The following DLC1 variants were observed in gnomAD, a reference collection of about 807,000 sequenced individuals.
DLC1 encodes the protein rho GTPase-activating protein 7.
A neutral mutation model predicts 140.3 loss-of-function variants in DLC1; 54 were observed. That is an observed-to-expected ratio of 0.38 (90% CI 0.31 to 0.48). The LOEUF is 0.48. Among genes scored for constraint, DLC1 ranks in the 20% least tolerant of loss-of-function variants. The probability of loss-of-function intolerance (pLI) is 0.96; values close to 1 mark genes in which losing one functional copy is unlikely to be tolerated. For synonymous variants in DLC1, 986 were observed against 728.1 expected, an observed-to-expected ratio of 1.35 and a Z score of -5.70; for missense variants, 2,536 against 1,907.0, an observed-to-expected ratio of 1.33 and a Z score of -6.14.
At chr8:13,466,478 C>G (rs925562953) in intron 2 of DLC1, among the ~76,000 whole-genome samples, 39 of 152,322 alleles carry the variant, frequency 2.6e-4, no homozygotes, top group Admixed American at 2.1e-3. Flanking sequence ...AAAGAGAACA[C>G]ACGTTAGACA....
intron 2 of DLC1, among the ~76,000 whole-genome samples, chr8:13,419,006 C>T (rs1349836159): frequency 2.0e-5 from 3 of 150,662 alleles, no homozygotes; most frequent in East Asian, 3.9e-4. Flanking sequence ...CATGATTTGG[C>T]TCTCTGTTTG....
intron 7 of DLC1, among the ~76,000 whole-genome samples, chr8:13,103,984 C>G (rs1585631129): frequency 6.6e-6 from 1 of 151,926 alleles, no homozygotes; most frequent in East Asian, 1.9e-4. Flanking sequence ...AATCAAAACT[C>G]AAATTTAAAA....
At chr8:13,163,702 C>G (rs1291014050) in intron 5 of DLC1, among the ~76,000 whole-genome samples, 1 of 152,054 alleles carries the variant, frequency 6.6e-6, no homozygotes, top group Non-Finnish European at 1.5e-5. Context: ...AAGATCTGGC[C>G]AGACGTGGTG....
At chr8:13,133,291 T>C (rs1822280658) in intron 5 of DLC1, 3 of 1,268,034 alleles carry the variant, frequency 2.4e-6, no homozygotes, top group Admixed American at 8.4e-5. Flanking sequence ...GAGCGAACTG[T>C]CTCCCGCGCG....
At chr8:13,222,370 T>C (rs1227160418) in intron 5 of DLC1, among the ~76,000 whole-genome samples, 1 of 152,188 alleles carries the variant, frequency 6.6e-6, no homozygotes, top group East Asian at 1.9e-4. Context: ...GCTAAAAGTG[T>C]TTGAGACATT....
chr8:13,147,640 G>A (rs1245951251), intron 5 of DLC1, among the ~76,000 whole-genome samples: 1 of 152,090 alleles, frequency 6.6e-6, no homozygotes, highest in Non-Finnish European at 1.5e-5. Flanking sequence ...TGAGAGTGTG[G>A]GATCTCAAGG....
Position 13,092,696 on chromosome 8 carries a change from T to A in DLC1, c.3656A>T (p.Gln1219Leu). 3 of 1,614,204 alleles carry A rather than the reference T, an allele frequency of 1.9e-6. No homozygotes were observed. The highest frequency in any genetic ancestry group is 2.5e-6 in the Non-Finnish European group (3 of 1,180,040). ...SDVTAAVKEN[Q>L]MTPTNLAVCL... is the part of the protein sequence containing the mutation. Reference sequence around the variant, plus strand: ...CACGGCCAGGTTGGTTGGGGTCATCTGGTTTTCTTTTACGGCTGCTGTGAC... The same window carrying A: ...CACGGCCAGGTTGGTTGGGGTCATCAGGTTTTCTTTTACGGCTGCTGTGAC... Residue 1219 changes from glutamine to leucine, a missense_variant, in exon 13 of 18, where the codon CAG becomes CTG. Physicochemically the swap from Gln to Leu is moderately radical, Grantham distance 113. Coordinates refer to ENST00000276297, the MANE Select transcript of DLC1 (RefSeq NM_182643.3).
Position 13,337,216 on chromosome 8 carries a change from T to C in DLC1, c.1315-31914A>G, listed in dbSNP as rs375722008. Among the ~76,000 whole-genome samples, 3 of 152,250 alleles carry C rather than the reference T, an allele frequency of 2.0e-5. 1 individual carries two copies. In the South Asian group the frequency reaches 6.2e-4, roughly 32 times the overall value. On this transcript the variant is annotated intron_variant, in intron 4 of 17. Transcript: ENST00000276297. ...CACAAAAGGTGGCCTATATGAAAAA[T>C]GTAGAATGTGGATATCATTTCCATA...
At chr8:13,435,266 C>T (rs1585102631) in intron 2 of DLC1, among the ~76,000 whole-genome samples, 1 of 152,280 alleles carries the variant, frequency 6.6e-6, no homozygotes, top group East Asian at 1.9e-4. Flanking sequence ...AAAGATGTGG[C>T]TGAATGGCTG....
At chr8:13,565,848 A>G (rs1238551486) in intron 1 of DLC1, among the ~76,000 whole-genome samples, 1 of 152,226 alleles carries the variant, frequency 6.6e-6, no homozygotes, top group East Asian at 1.9e-4. Flanking sequence ...ACGATAATTA[A>G]TAAAACTCTA....
At chr8:13,528,319 A>G (rs1186390618) in intron 1 of DLC1, among the ~76,000 whole-genome samples, 3 of 152,260 alleles carry the variant, frequency 2.0e-5, no homozygotes, top group East Asian at 1.9e-4. Context: ...CCAGGTTTTC[A>G]TTTAGTATAA....
intron 5 of DLC1, among the ~76,000 whole-genome samples, chr8:13,266,582 T>A (rs1172105942): frequency 1.3e-5 from 2 of 151,912 alleles, no homozygotes; most frequent in Non-Finnish European, 2.9e-5. Flanking sequence ...CCATCTCTAC[T>A]AAAAATACAA....
intron 2 of DLC1, among the ~76,000 whole-genome samples, chr8:13,472,956 G>T (rs937887854): frequency 1.3e-5 from 2 of 152,046 alleles, no homozygotes; most frequent in African/African-American, 4.8e-5. Flanking sequence ...CTGAATACTA[G>T]TCATAATAAG....
At chr8:13,089,234 G>A (rs1236635431) in intron 15 of DLC1, among the ~76,000 whole-genome samples, 2 of 151,968 alleles carry the variant, frequency 1.3e-5, no homozygotes, top group African/African-American at 4.8e-5. Flanking sequence ...TCCAGCCTGG[G>A]TGATGAGAAT....
intron 4 of DLC1, among the ~76,000 whole-genome samples, chr8:13,339,012 G>A (rs1729112): frequency 0.8 from 122,376 of 152,168 alleles, 50,300 homozygotes; most frequent in East Asian, 0.96. Flanking sequence ...CACTTCATAT[G>A]TAACAATGCG....
At chr8:13,602,558 C>T (rs563667188) in intron 1 of DLC1, among the ~76,000 whole-genome samples, 1 of 151,654 alleles carries the variant, frequency 6.6e-6, no homozygotes, top group Non-Finnish European at 1.5e-5. Flanking sequence ...GAAATTAGGA[C>T]AAGTTGAAGT....
At chr8:13,464,037 T>C (rs1018257825) in intron 2 of DLC1, among the ~76,000 whole-genome samples, 1 of 152,120 alleles carries the variant, frequency 6.6e-6, no homozygotes, top group East Asian at 1.9e-4. Context: ...ACTCAAGATA[T>C]AGGCAAAATG....
At chr8:13,513,787 A>G (rs1013619374) in intron 1 of DLC1, among the ~76,000 whole-genome samples, 5 of 152,200 alleles carry the variant, frequency 3.3e-5, no homozygotes, top group Admixed American at 6.5e-5. Flanking sequence ...TTACGATTAC[A>G]TAAGTAAGGA....
intron 2 of DLC1, among the ~76,000 whole-genome samples, chr8:13,404,650 G>C (rs1047181110): frequency 6.6e-6 from 1 of 152,070 alleles, no homozygotes; most frequent in African/African-American, 2.4e-5. Context: ...TGAGCAACAA[G>C]GAATTTACCT....
Sources: gnomAD v4.1 joint callset for allele counts (sites outside exome capture counted in the v4.1 genomes callset) on GRCh38, gnomAD v4.1.1 for gene constraint, MANE v1.5 for transcripts, NCBI Gene and HGNC (gene_info 2026-07-23, HGNC 2026-07-21) for gene names.